Variants in TBCK observed in about 807,000 individuals in gnomAD.
TBCK encodes the protein TBC1 domain containing kinase, also known as TBC domain-containing protein kinase-like protein.
Under a neutral mutation model 113.4 loss-of-function variants are expected in TBCK, and 99 were observed. The ratio of observed to expected loss-of-function variants is 0.87; its 90% CI spans 0.74 to 1.03. The LOEUF (loss-of-function observed/expected upper bound fraction) is 1.03. TBCK is among the 50% of genes least tolerant of loss of function. The pLI is 0.00. For synonymous variants in TBCK, 369 were observed against 370.8 expected (o/e 1.00, Z 0.05); for missense variants, 1,045 against 1,061.3 (o/e 0.98, Z 0.21).
chr4:106,124,546 G>C lies in TBCK; in HGVS notation c.2236-8168C>G, dbSNP rs544881347. On this transcript the variant is annotated intron_variant, in intron 23 of 25. Transcript: ENST00000394708. ...AAATCATGCTGCTATAAAGACACAT[G>C]CACACGTATGTTTATTGCGGCATTA... is the stretch of plus-strand genomic sequence containing the variant. Among the ~76,000 whole-genome samples, 335 of 152,178 alleles carry C rather than the reference G, an allele frequency of 2.2e-3. 2 individuals carry two copies. Among genetic ancestry groups the C allele is most frequent in the African/African-American group, 7.1e-3 (293 of 41,496 alleles).
intron 14 of TBCK, among the ~76,000 whole-genome samples, chr4:106,235,615 T>C (rs1213993813): frequency 6.6e-6 from 1 of 152,012 alleles, no homozygotes. Flanking sequence ...TTTTTAATCC[T>C]TCCTCTCTAT....
chr4:106,062,605 T>C (rs765322753), intron 25 of TBCK, among the ~76,000 whole-genome samples: 9 of 151,892 alleles, frequency 5.9e-5, no homozygotes, highest in Non-Finnish European at 1.2e-4. Context: ...TTCCAACCTC[T>C]GTGGGTCAAA....
rs146113042 is a variant in TBCK at position 106,291,060 on chromosome 4, G to C, written c.266+4034C>G. 5.0e-3 allele frequency among the ~76,000 whole-genome samples: 762 copies of C among 152,296 alleles called. 4 individuals carry two copies. The highest frequency in any genetic ancestry group is 0.018 in the African/African-American group (733 of 41,552). ...TCAAAACCCTATCAGTGAGAGGCAA[G>C]TGACAATTAAGCTGTATCTGGTGGT... On this transcript the variant is annotated intron_variant, in intron 3 of 25. Coordinates refer to ENST00000394708, the MANE Select transcript of TBCK (RefSeq NM_001163435.3).
At chr4:106,214,591 G>A (rs1284132127) in intron 19 of TBCK, among the ~76,000 whole-genome samples, 1 of 152,130 alleles carries the variant, frequency 6.6e-6, no homozygotes, top group Non-Finnish European at 1.5e-5. Context: ...GAGCCGATGC[G>A]ATCAACTGGA....
At chr4:106,306,847 C>T (rs531798821) in intron 2 of TBCK, among the ~76,000 whole-genome samples, 38 of 152,140 alleles carry the variant, frequency 2.5e-4, no homozygotes, top group Non-Finnish European at 4.6e-4. Flanking sequence ...CAGGCATTTA[C>T]TAATATTTGC....
chr4:106,247,763 A>C (rs1760998988), intron 9 of TBCK: 1 of 156,088 alleles, frequency 6.4e-6, no homozygotes, highest in Non-Finnish European at 1.4e-5. Flanking sequence ...ATTACATAGT[A>C]AAGGAATTTA....
In TBCK at chr4:106,092,618, C is replaced by T. The variant is rs549985244; in HGVS notation, c.2571+2864G>A. Among the ~76,000 whole-genome samples, 17 of 152,328 alleles carry T rather than the reference C, an allele frequency of 1.1e-4. No homozygotes were observed. In the East Asian group the frequency reaches 1.7e-3, roughly 16 times the overall value. On this transcript the variant is annotated intron_variant, in intron 25 of 25. Coordinates refer to ENST00000394708, the MANE Select transcript of TBCK (RefSeq NM_001163435.3). ...GGGCCAGCACTGCTGGGGGACCTGG[C>T]GCACCCTCCGCAGCTGCTGGCCTGA...
At chr4:106,231,095 G>T (rs1344390523) in intron 18 of TBCK, among the ~76,000 whole-genome samples, 2 of 151,678 alleles carry the variant, frequency 1.3e-5, no homozygotes, top group East Asian at 3.8e-4. Context: ...GAGATCTTCA[G>T]ATAAGGCATC....
intron 20 of TBCK, among the ~76,000 whole-genome samples, chr4:106,206,827 G>A (rs895887546): frequency 1.3e-5 from 2 of 152,150 alleles, no homozygotes; most frequent in Non-Finnish European, 2.9e-5. Context: ...CATCCTTTCA[G>A]ATTGTAGTTA....
At chr4:106,120,380 G>A (rs1248818098) in intron 23 of TBCK, among the ~76,000 whole-genome samples, 1 of 152,122 alleles carries the variant, frequency 6.6e-6, no homozygotes, top group East Asian at 1.9e-4. Context: ...GCGGCAGCGA[G>A]GCTGGGGGAG....
At chr4:106,194,851 T>C in intron 20 of TBCK, 97 bp from the exon 21 acceptor site, 1 of 1,113,204 alleles carries the variant, frequency 9.0e-7, no homozygotes, top group Non-Finnish European at 1.3e-6. Flanking sequence ...ATGTAAGTTC[T>C]ATGTTTTGGT....
At chr4:106,142,969 C>T (rs1023241522) in intron 23 of TBCK, among the ~76,000 whole-genome samples, 8 of 152,154 alleles carry the variant, frequency 5.3e-5, no homozygotes, top group South Asian at 2.1e-4. Flanking sequence ...CTGTAGGAAG[C>T]GTGCCTTTGT....
intron 25 of TBCK, among the ~76,000 whole-genome samples, chr4:106,065,189 G>C (rs1049447509): frequency 6.6e-6 from 1 of 151,896 alleles, no homozygotes; most frequent in Non-Finnish European, 1.5e-5. Context: ...TACATGATAT[G>C]GTAGACTAGC....
In TBCK at chr4:106,137,157, TATC is replaced by T. The variant is rs1274930650; in HGVS notation, c.2236-20782_2236-20780del. ...CATCTGGAAGAAGTCATGGTTAGAA[TATC>T]ATATTCTTGGAATGATCAGCATAGA... On this transcript the variant is annotated intron_variant, in intron 23 of 25. Coordinates refer to ENST00000394708, the MANE Select transcript of TBCK (RefSeq NM_001163435.3). Among the ~76,000 whole-genome samples, 15 of 140,528 alleles carry T rather than the reference TATC, an allele frequency of 1.1e-4. 2 individuals are homozygous for T. The highest frequency in any genetic ancestry group is 2.8e-4 in the African/African-American group (11 of 39,966). The allele number at this position is 140,528 out of a possible 152,430, so 92.2% of individuals were successfully genotyped here. A position where few individuals can be genotyped will look rare whatever the true frequency, so the allele number is the denominator to read the frequency against.
At chr4:106,210,754 T>G (rs1756035779) in intron 20 of TBCK, among the ~76,000 whole-genome samples, 2 of 152,166 alleles carry the variant, frequency 1.3e-5, no homozygotes, top group South Asian at 4.1e-4. Context: ...GGTGGAAAAG[T>G]GCTTGGTACA....
At chr4:106,161,802 T>C (rs1560741489) in intron 23 of TBCK, among the ~76,000 whole-genome samples, 1 of 151,922 alleles carries the variant, frequency 6.6e-6, no homozygotes. Context: ...CTGGAGCTAA[T>C]AACCGGAAGC....
intron 25 of TBCK, among the ~76,000 whole-genome samples, chr4:106,092,377 C>G (rs1285508768): frequency 6.6e-6 from 1 of 152,260 alleles, no homozygotes; most frequent in African/African-American, 2.4e-5. Flanking sequence ...GAGCTGCCTG[C>G]CAGTCCCACA....
At chr4:106,312,909 G>A (rs1768351031) in intron 1 of TBCK, among the ~76,000 whole-genome samples, 1 of 152,156 alleles carries the variant, frequency 6.6e-6, no homozygotes, top group Non-Finnish European at 1.5e-5. Context: ...TCAGAAGATA[G>A]TACTGTAGAT....
At chr4:106,290,418 C>T (rs969329632) in intron 3 of TBCK, among the ~76,000 whole-genome samples, 1 of 152,052 alleles carries the variant, frequency 6.6e-6, no homozygotes, top group Non-Finnish European at 1.5e-5. Flanking sequence ...CCTCGTGATC[C>T]GCCCACCTTG....
Sources: allele counts gnomAD v4.1 joint callset (sites outside exome capture counted in the v4.1 genomes callset), GRCh38; gene constraint gnomAD v4.1.1; transcripts MANE v1.5; gene names NCBI Gene and HGNC (gene_info 2026-07-23, HGNC 2026-07-21).